Variants in FAT3 observed in about 807,000 individuals in gnomAD.
The protein encoded by FAT3 is protocadherin Fat 3.
Under a neutral mutation model 310.2 loss-of-function variants are expected in FAT3, and 95 were observed. That is an observed-to-expected ratio of 0.31 (90% CI 0.26 to 0.36). The LOEUF (loss-of-function observed/expected upper bound fraction) is 0.36, where lower values mean the gene tolerates loss of function less well. FAT3 is among the 10% of genes least tolerant of loss of function. The pLI, the probability that FAT3 is intolerant of heterozygous loss-of-function variation, is 1.00. For synonymous variants in FAT3, 2,314 were observed against 2,192.9 expected (o/e 1.06, Z -1.54); for missense variants, 5,408 against 5,715.6 (o/e 0.95, Z 1.74).
intron 5 of FAT3, among the ~76,000 whole-genome samples, chr11:92,764,476 G>A (rs367834029): frequency 1.3e-5 from 2 of 152,084 alleles, no homozygotes; most frequent in Non-Finnish European, 2.9e-5. Flanking sequence ...ACATATATAA[G>A]GTTTCACAAT....
intron 2 of FAT3, among the ~76,000 whole-genome samples, chr11:92,516,239 A>G (rs988442676): frequency 6.6e-6 from 1 of 152,160 alleles, no homozygotes; most frequent in Non-Finnish European, 1.5e-5. Context: ...AAAATCCTCA[A>G]TAAAATACTG....
In FAT3 at chr11:92,361,926, TG is replaced by T. The variant is rs1240489238; in HGVS notation, c.3292+6524del. Among the ~76,000 whole-genome samples, 4 of 152,378 alleles carry T rather than the reference TG, an allele frequency of 2.6e-5. No homozygotes were observed. The South Asian group carries it at 8.3e-4, about 32-fold the overall frequency. On this transcript the variant is annotated intron_variant, in intron 2 of 27. Coordinates refer to ENST00000525166, the MANE Select transcript of FAT3 (RefSeq NM_001367949.2). ...AGAATGCAGATGCAAGAGATGATGCTGGTAACAGTGGCAGCAGTGGTTAACA... is the reference window on the plus strand; with the variant it reads ...AGAATGCAGATGCAAGAGATGATGCTGTAACAGTGGCAGCAGTGGTTAACA...
chr11:92,500,091 C>T (rs1008379215), intron 2 of FAT3, among the ~76,000 whole-genome samples: 4 of 151,996 alleles, frequency 2.6e-5, no homozygotes, highest in African/African-American at 9.7e-5. Context: ...GATCTGTAGA[C>T]TGAGAAAATG....
chr11:92,434,119 A>G (rs967654235), intron 2 of FAT3, among the ~76,000 whole-genome samples: 6 of 151,992 alleles, frequency 3.9e-5, no homozygotes, highest in African/African-American at 1.4e-4. Flanking sequence ...TGGATTAACT[A>G]TGGCTTAGTT....
intron 2 of FAT3, among the ~76,000 whole-genome samples, chr11:92,512,554 TA>T (rs1421282401): frequency 1.4e-5 from 2 of 147,182 alleles, no homozygotes; most frequent in African/African-American, 4.9e-5. Flanking sequence ...TTTATATATA[TA>T]AATATATATA....
intron 3 of FAT3, among the ~76,000 whole-genome samples, chr11:92,541,648 T>G (rs1241722328): frequency 6.6e-6 from 1 of 152,112 alleles, no homozygotes; most frequent in Non-Finnish European, 1.5e-5. Flanking sequence ...AGTATCAAGT[T>G]TGTGCCAGGT....
At chr11:92,660,084 A>G (rs1253465284) in intron 3 of FAT3, among the ~76,000 whole-genome samples, 2 of 152,052 alleles carry the variant, frequency 1.3e-5, no homozygotes, top group East Asian at 3.9e-4. Flanking sequence ...GATACACACC[A>G]CTTAGTATTC....
chr11:92,759,781 A>G (rs1327144973), intron 4 of FAT3, among the ~76,000 whole-genome samples: 1 of 152,162 alleles, frequency 6.6e-6, no homozygotes. Context: ...TAGCAGCAGC[A>G]TCCTCTAGTG....
chr11:92,250,671 GA>G (rs1451319261), intron 1 of FAT3, among the ~76,000 whole-genome samples: 1 of 152,144 alleles, frequency 6.6e-6, no homozygotes, highest in Non-Finnish European at 1.5e-5. Flanking sequence ...GCTGACTTCT[GA>G]AGAGCTGCTA....
At chr11:92,486,130 GTTTTTTTT>G (rs71064714) in intron 2 of FAT3, among the ~76,000 whole-genome samples, 1,520 of 37,164 alleles carry the variant, frequency 0.041, 24 homozygotes, top group Non-Finnish European at 0.061. Context: ...GGCTGCTGGG[GTTTTTTTT>G]TTTTTTTTTT....
At chr11:92,560,955 T>C (rs1395475148) in intron 3 of FAT3, among the ~76,000 whole-genome samples, 4 of 152,200 alleles carry the variant, frequency 2.6e-5, no homozygotes, top group African/African-American at 7.2e-5. Flanking sequence ...TTTTCATACT[T>C]TAAAAATGCC....
chr11:92,507,704 A>ATG (rs1953158673), intron 2 of FAT3, among the ~76,000 whole-genome samples: 2 of 152,086 alleles, frequency 1.3e-5, no homozygotes, highest in South Asian at 2.1e-4. Flanking sequence ...ATACATGTAT[A>ATG]TATACAACAT....
chr11:92,681,020 G>T (rs564958996), intron 3 of FAT3, among the ~76,000 whole-genome samples: 1 of 152,182 alleles, frequency 6.6e-6, no homozygotes, highest in African/African-American at 2.4e-5. Flanking sequence ...TAAATGCAAG[G>T]ACAGGAGGGC....
chr11:92,662,685 G>A (rs1329623457), intron 3 of FAT3, among the ~76,000 whole-genome samples: 2 of 152,192 alleles, frequency 1.3e-5, no homozygotes, highest in African/African-American at 2.4e-5. Flanking sequence ...TGCAGGAAGG[G>A]TCATGATACG....
chr11:92,715,414 AT>A (rs1211053707), intron 4 of FAT3, among the ~76,000 whole-genome samples: 2 of 151,950 alleles, frequency 1.3e-5, no homozygotes, highest in African/African-American at 4.8e-5. Context: ...TCTCAAAAAA[AT>A]AAAAAAATAA....
At chr11:92,293,029 GAA>G in intron 1 of FAT3, among the ~76,000 whole-genome samples, 1 of 57,974 alleles carries the variant, frequency 1.7e-5, no homozygotes, top group Non-Finnish European at 3.9e-5. Flanking sequence ...AGGAAGGAAG[GAA>G]GGAAGGAAGG....
intron 3 of FAT3, among the ~76,000 whole-genome samples, chr11:92,643,274 G>C (rs1038141984): frequency 1.5e-4 from 23 of 152,164 alleles, no homozygotes; most frequent in African/African-American, 5.3e-4. Context: ...CAGAAGCAAA[G>C]GGGCATTTAA....
At chr11:92,530,194 A>G (rs1297827293) in intron 3 of FAT3, among the ~76,000 whole-genome samples, 1 of 152,172 alleles carries the variant, frequency 6.6e-6, no homozygotes, top group African/African-American at 2.4e-5. Flanking sequence ...AGGGAGAGAA[A>G]TCCAGACCAC....
At chr11:92,756,034 C>T (rs537937064) in intron 4 of FAT3, among the ~76,000 whole-genome samples, 1 of 152,198 alleles carries the variant, frequency 6.6e-6, no homozygotes, top group Non-Finnish European at 1.5e-5. Context: ...AATTCATTCT[C>T]TGTGGAGCTC....
Sources: gnomAD v4.1 joint callset for allele counts (sites outside exome capture counted in the v4.1 genomes callset) on GRCh38, gnomAD v4.1.1 for gene constraint, MANE v1.5 for transcripts, NCBI Gene and HGNC (gene_info 2026-07-23, HGNC 2026-07-21) for gene names.